Variants in MAP2K4 observed in about 807,000 individuals in gnomAD.
The protein encoded by MAP2K4 is dual specificity mitogen-activated protein kinase kinase 4.
MAP2K4 carries 4 observed loss-of-function variants against 48.5 expected under a neutral mutation model. The observed-to-expected ratio is 0.08, with a 90% confidence interval of 0.04 to 0.19. MAP2K4 has a LOEUF of 0.19. Ranked by LOEUF, MAP2K4 falls within the 10% of genes least tolerant of loss-of-function variation. The pLI is 1.00. For synonymous variants in MAP2K4, 166 were observed against 173.1 expected (o/e 0.96, Z 0.32); for missense variants, 258 against 493.3 (o/e 0.52, Z 4.52).
chr17:12,037,153 TG>T (rs1969627062), intron 1 of MAP2K4, among the ~76,000 whole-genome samples: 1 of 152,060 alleles, frequency 6.6e-6, no homozygotes, highest in Admixed American at 6.6e-5. Flanking sequence ...CAGGTGGCGG[TG>T]GTTTTTGGTG....
At position 12,081,572 on chromosome 17, in the gene MAP2K4, G is replaced by C. The variant is rs1401558946; in HGVS notation, c.393+42G>C. On this transcript the variant is annotated intron_variant, in intron 3 of 10. Coordinates refer to ENST00000353533, the MANE Select transcript of MAP2K4 (RefSeq NM_003010.4). The surrounding 1 kb of genome is among the most constrained non-coding windows in gnomAD (Gnocchi z 4.2). ...TTATTTTTGGTACTTTAATCCATTA[G>C]GTGAAATTTCATGGTGCAGTAATAC... 8 of 1,590,998 alleles carry C rather than the reference G, an allele frequency of 5.0e-6. No homozygotes were observed. Among genetic ancestry groups the C allele is most frequent in the Non-Finnish European group, 6.9e-6 (8 of 1,163,410 alleles).
At chr17:12,125,502 A>C in intron 8 of MAP2K4, 131 bp downstream of exon 8, 1 of 411,014 alleles carries the variant, frequency 2.4e-6, no homozygotes, top group Non-Finnish European at 4.4e-6. Flanking sequence ...TAAGTTGCTG[A>C]AAAAAAAAAA....
intron 1 of MAP2K4, among the ~76,000 whole-genome samples, chr17:12,035,553 T>C (rs1041098499): frequency 1.1e-4 from 17 of 149,084 alleles, no homozygotes; most frequent in African/African-American, 4.1e-4. Flanking sequence ...TCAAAATAAA[T>C]AAAATAAAAA....
intron 7 of MAP2K4, among the ~76,000 whole-genome samples, chr17:12,124,123 A>G (rs934133983): frequency 6.6e-6 from 1 of 152,240 alleles, no homozygotes. Context: ...TATGCAGCAC[A>G]GTACTCATGC....
intron 1 of MAP2K4, among the ~76,000 whole-genome samples, chr17:12,052,969 G>A (rs750803861): frequency 2.3e-4 from 35 of 151,994 alleles, no homozygotes; most frequent in Non-Finnish European, 4.4e-4. Context: ...ACTCATTACA[G>A]TATTAACTCA....
At chr17:12,103,855 A>C (rs1972022509) in intron 4 of MAP2K4, among the ~76,000 whole-genome samples, 3 of 152,154 alleles carry the variant, frequency 2.0e-5, no homozygotes, top group African/African-American at 7.2e-5. Flanking sequence ...AGATTTAGTT[A>C]ATTTATTTTA....
At chr17:12,111,788 C>T (rs1303342444) in intron 6 of MAP2K4, among the ~76,000 whole-genome samples, 1 of 152,008 alleles carries the variant, frequency 6.6e-6, no homozygotes, top group African/African-American at 2.4e-5. Flanking sequence ...CAGGGAAATT[C>T]ATTATCTGTC....
At chr17:12,131,711 AAG>A (rs1445813894) in intron 9 of MAP2K4, among the ~76,000 whole-genome samples, 1 of 152,184 alleles carries the variant, frequency 6.6e-6, no homozygotes, top group Non-Finnish European at 1.5e-5. Flanking sequence ...AGCCAAACCT[AAG>A]AGAAAGATTG....
intron 7 of MAP2K4, among the ~76,000 whole-genome samples, chr17:12,118,992 C>T (rs1026735644): frequency 7.2e-5 from 11 of 152,148 alleles, no homozygotes; most frequent in East Asian, 1.9e-4. Context: ...TGTCAGTAAA[C>T]GGAAAGAAGG....
chr17:12,108,875 A>G (rs1173933714), intron 5 of MAP2K4, among the ~76,000 whole-genome samples: 1 of 152,044 alleles, frequency 6.6e-6, no homozygotes, highest in Non-Finnish European at 1.5e-5. Flanking sequence ...AACTTAGACT[A>G]GAAACTTATT....
At chr17:12,028,401 A>G (rs1020343445) in intron 1 of MAP2K4, among the ~76,000 whole-genome samples, 1 of 152,222 alleles carries the variant, frequency 6.6e-6, no homozygotes, top group Non-Finnish European at 1.5e-5. Flanking sequence ...AAGTTGACAT[A>G]AGGAAATCTG....
At chr17:12,096,067 T>TCCTCCC (rs1971741762) in intron 4 of MAP2K4, among the ~76,000 whole-genome samples, 1 of 23,760 alleles carries the variant, frequency 4.2e-5, no homozygotes, top group Non-Finnish European at 8.1e-5. Context: ...GAGCAACGCC[T>TCCTCCC]CCCCCCCCCC....
In MAP2K4 at chr17:12,121,921, T is replaced by C. The variant is rs564178952; in HGVS notation, c.814-3373T>C. 7.9e-5 allele frequency among the ~76,000 whole-genome samples: 12 copies of C among 152,344 alleles called. No homozygotes were observed. In the South Asian group the frequency reaches 1.2e-3, roughly 16 times the overall value. ...TATGTTTCTTTATTCATTTAGGTCT[T>C]CTTGCCATCTCTCAGCAATGTTTTG... On this transcript the variant is annotated intron_variant, in intron 7 of 10. Coordinates refer to ENST00000353533, the MANE Select transcript of MAP2K4 (RefSeq NM_003010.4).
intron 1 of MAP2K4, among the ~76,000 whole-genome samples, chr17:12,038,429 C>T (rs1030560258): frequency 2.0e-5 from 3 of 152,096 alleles, no homozygotes; most frequent in Non-Finnish European, 1.5e-5. Context: ...TGCGTACGAA[C>T]ATATTCACTC....
chr17:12,107,711 TC>T (rs1972166389), intron 4 of MAP2K4, 78 bp from the exon 5 acceptor site: 14 of 1,217,076 alleles, frequency 1.2e-5, no homozygotes, highest in Non-Finnish European at 1.6e-5. Flanking sequence ...ATTGCTCCTT[TC>T]TATTGTATTT....
intron 1 of MAP2K4, among the ~76,000 whole-genome samples, chr17:12,031,466 C>T (rs918143020): frequency 6.6e-6 from 1 of 152,124 alleles, no homozygotes; most frequent in Non-Finnish European, 1.5e-5. Flanking sequence ...CTAACAAAAC[C>T]AGATATCCAT....
At chr17:12,025,612 A>G (rs1375424835) in intron 1 of MAP2K4, among the ~76,000 whole-genome samples, 1 of 152,182 alleles carries the variant, frequency 6.6e-6, no homozygotes, top group Non-Finnish European at 1.5e-5. Context: ...TAAAGTTCTG[A>G]TTTACAGAAA....
chr17:12,110,938 A>G (rs1252814140), intron 6 of MAP2K4: 1 of 153,622 alleles, frequency 6.5e-6, no homozygotes, highest in African/African-American at 2.4e-5. Context: ...CCTTTATTAG[A>G]TACATATTCA....
intron 9 of MAP2K4, among the ~76,000 whole-genome samples, chr17:12,130,824 C>T (rs1567674925): frequency 6.6e-6 from 1 of 152,196 alleles, no homozygotes; most frequent in Non-Finnish European, 1.5e-5. Context: ...ATTCAGATTT[C>T]TCATAATCCA....
Sources: allele counts gnomAD v4.1 joint callset (sites outside exome capture counted in the v4.1 genomes callset), GRCh38; gene constraint gnomAD v4.1.1; non-coding constraint Gnocchi (gnomAD v3.1); transcripts MANE v1.5; gene names NCBI Gene and HGNC (gene_info 2026-07-23, HGNC 2026-07-21).